STAT1: variants seen among roughly 807,000 people sequenced by gnomAD.
The protein encoded by STAT1 is signal transducer and activator of transcription 1, also known as signal transducer and activator of transcription 1-alpha/beta.
STAT1 carries 24 observed loss-of-function variants against 111.7 expected under a neutral mutation model. The ratio of observed to expected loss-of-function variants is 0.21; its 90% confidence interval spans 0.16 to 0.30. STAT1 has a LOEUF of 0.30. STAT1 is among the 10% of genes least tolerant of loss of function. The pLI is 1.00. For missense variants in STAT1, 351 were observed against 911.9 expected (o/e 0.38, Z 7.92); for synonymous variants, 332 against 326.5 (o/e 1.02, Z -0.18).
Position 190,983,631 on chromosome 2 carries a change from G to A in STAT1, c.1446+11C>T. On this transcript the variant is annotated intron_variant, in intron 17 of 24. Coordinates refer to ENST00000361099, the MANE Select transcript of STAT1 (RefSeq NM_007315.4). The surrounding 1 kb of genome is among the most constrained non-coding windows in gnomAD (Gnocchi z 5.7). ...TTAACCCTGGGACCAAAGCAAATGT[G>A]TTTTCCATACCCTGGGTTCCGCCAC... 2 of 1,613,318 alleles carry A rather than the reference G, an allele frequency of 1.2e-6. No individual in the cohort carries two copies. Among genetic ancestry groups the A allele is most frequent in the Non-Finnish European group, 8.5e-7 (1 of 1,179,304 alleles).
Position 190,975,571 on chromosome 2 carries a change from A to G in STAT1, c.2135+241T>C, listed in dbSNP as rs1691841178. ...TGCTCATTTTATTTATACTTTTTCA[A>G]AGGGTATCAGTTTTGGGAAAATTTA... On this transcript the variant is annotated intron_variant, in intron 23 of 24. Transcript: ENST00000361099. This position sits in a 1 kb window ranked among gnomAD's most constrained non-coding sequence, Gnocchi z 5.9. 17 of 1,398,688 alleles carry G rather than the reference A, an allele frequency of 1.2e-5. No homozygotes were observed. The highest frequency in any genetic ancestry group is 1.6e-5 in the Non-Finnish European group (17 of 1,068,138). 86.6% of individuals were successfully genotyped at this position (1,398,688 alleles called of 1,614,324 possible).
intron 4 of STAT1, 44 bp downstream of exon 4, chr2:191,008,919 A>G: frequency 6.2e-7 from 1 of 1,606,172 alleles, no homozygotes; most frequent in East Asian, 2.2e-5. Context: ...TGCCTTCCAT[A>G]AACATGAGAA....
chr2:190,974,278 T>C lies in STAT1; in HGVS notation c.2238+552A>G, dbSNP rs1691727157. On this transcript the variant is annotated intron_variant, in intron 24 of 24. Transcript: ENST00000361099. The surrounding 1 kb of genome is among the most constrained non-coding windows in gnomAD (Gnocchi z 4.8). ...ATTCCCATTTCTATCACGAATCTCA[T>C]TAACTATTTCACTCCTTGAACCTTT... is the stretch of plus-strand genomic sequence containing the variant. Among the ~76,000 whole-genome samples, 1 of 152,204 alleles carries C rather than the reference T, an allele frequency of 6.6e-6. No individual in the cohort carries two copies. Among genetic ancestry groups the C allele is most frequent in the Admixed American group, 6.5e-5 (1 of 15,286 alleles).
rs200288904 is a variant in STAT1, at chr2:190,987,072, C to CA, written c.1098-5dup. On this transcript the variant is annotated splice_polypyrimidine_tract_variant and splice_region_variant and intron_variant, in intron 12 of 24. Transcript: ENST00000361099. The surrounding 1 kb of genome is among the most constrained non-coding windows in gnomAD (Gnocchi z 4.0). ...TGTATTTCTCTCATTCACATCTCTG[C>CA]AAAAAAAATATATATAATCACATAT... 538 of 1,596,784 alleles carry CA rather than the reference C, an allele frequency of 3.4e-4. 1 individual carries two copies. In the African/African-American group the frequency reaches 4.3e-3, roughly 13 times the overall value.
In STAT1 at chr2:190,997,364, C is replaced by T. The variant is rs184467281; in HGVS notation, c.785+492G>A. Among the ~76,000 whole-genome samples, 2 of 152,344 alleles carry T rather than the reference C, an allele frequency of 1.3e-5. No homozygotes were observed. Among genetic ancestry groups the T allele is most frequent in the Non-Finnish European group, 2.9e-5 (2 of 68,024 alleles). ...GAATTATTACCATGTCTACATCCCC[C>T]CCTCCACACTGAGAACTCCTTGTTG... On this transcript the variant is annotated intron_variant, in intron 9 of 24. Transcript: ENST00000361099. The surrounding 1 kb of genome is among the most constrained non-coding windows in gnomAD (Gnocchi z 7.3).
At position 191,006,562 on chromosome 2, in the gene STAT1, G is replaced by T. The variant is rs536483266; in HGVS notation, c.372+1001C>A. Among the ~76,000 whole-genome samples the T allele has an allele frequency of 6.6e-6, 1 of 152,124 alleles. No homozygotes were observed. Among genetic ancestry groups the T allele is most frequent in the African/African-American group, 2.4e-5 (1 of 41,410 alleles). Reference sequence around the variant, plus strand: ...TCTCCACTGTCACACAGTTCACTTCGGTAGTTATTTGTTGGTGAAATGCAC... The same window carrying T: ...TCTCCACTGTCACACAGTTCACTTCTGTAGTTATTTGTTGGTGAAATGCAC... On this transcript the variant is annotated intron_variant, in intron 5 of 24. Transcript: ENST00000361099. This position sits in a 1 kb window ranked among gnomAD's most constrained non-coding sequence, Gnocchi z 4.6.
chr2:191,005,118 T>C (rs370753413), intron 5 of STAT1, among the ~76,000 whole-genome samples: 2 of 152,202 alleles, frequency 1.3e-5, no homozygotes, highest in South Asian at 2.1e-4. Flanking sequence ...AATTTTGTGG[T>C]CTCTAAATGA....
At position 190,975,544 on chromosome 2, in the gene STAT1, T is replaced by G. The variant is rs983566520; in HGVS notation, c.2135+268A>C. 1.6e-5 allele frequency: 21 copies of G among 1,331,816 alleles called. No individual in the cohort carries two copies. Among genetic ancestry groups the G allele is most frequent in the Admixed American group, 5.9e-5 (2 of 34,056 alleles). The allele number at this position is 1,331,816 out of a possible 1,614,324, so 82.5% of individuals were successfully genotyped here. On this transcript the variant is annotated intron_variant, in intron 23 of 24. Transcript: ENST00000361099. This position sits in a 1 kb window ranked among gnomAD's most constrained non-coding sequence, Gnocchi z 5.9. ...AACTACTTTCCCACTCTGATCAACT[T>G]TTGCTCATTTTATTTATACTTTTTC...
In STAT1 at chr2:191,012,416, T is replaced by TAA. The variant is rs112292924; in HGVS notation, c.-2+1107_-2+1108dup. 2.1e-3 allele frequency among the ~76,000 whole-genome samples: 297 copies of TAA among 144,030 alleles called. No individual in the cohort carries two copies. Among genetic ancestry groups the TAA allele is most frequent in the African/African-American group, 6.2e-3 (246 of 39,426 alleles). 94.5% of individuals were successfully genotyped at this position (144,030 alleles called of 152,430 possible). A position where few individuals can be genotyped will look rare whatever the true frequency, so the allele number is the denominator to read the frequency against. On this transcript the variant is annotated intron_variant, in intron 2 of 24. Coordinates refer to ENST00000361099, the MANE Select transcript of STAT1 (RefSeq NM_007315.4). This position sits in a 1 kb window ranked among gnomAD's most constrained non-coding sequence, Gnocchi z 4.0. ...GGGAGACAGAGAGAGACTCTGTCTC[T>TAA]AAAAAAAAAAAACAATGAATAAATA...
rs1692547656 is a variant in STAT1 at position 190,983,522 on chromosome 2, C to A, written c.1446+120G>T. The A allele has an allele frequency of 3.4e-6, 3 of 873,090 alleles. No individual in the cohort carries two copies. Among genetic ancestry groups the A allele is most frequent in the Non-Finnish European group, 5.9e-6 (3 of 512,150 alleles). 54.1% of individuals were successfully genotyped at this position (873,090 alleles called of 1,614,324 possible). A position where few individuals can be genotyped will look rare whatever the true frequency, so the allele number is the denominator to read the frequency against. On this transcript the variant is annotated intron_variant, in intron 17 of 24. Transcript: ENST00000361099. This position sits in a 1 kb window ranked among gnomAD's most constrained non-coding sequence, Gnocchi z 5.7. ...ATTTACTCAAAAGCCTTAGAAATAC[C>A]ACAGGAGCTTTGTCACTTCTCCCTT...
rs1242851770 is a variant in STAT1, at chr2:190,975,956, C to G, written c.2060-69G>C. ...CCATCAGAATACAACATCAACTTTT[C>G]GGGGGGATTAAAGTTCTACTGTGTT... On this transcript the variant is annotated intron_variant, in intron 22 of 24. Coordinates refer to ENST00000361099, the MANE Select transcript of STAT1 (RefSeq NM_007315.4). This position sits in a 1 kb window ranked among gnomAD's most constrained non-coding sequence, Gnocchi z 5.9. 7.4e-7 allele frequency: 1 copy of G among 1,357,630 alleles called. No individual in the cohort carries two copies. The highest frequency in any genetic ancestry group is 1.2e-5 in the South Asian group (1 of 84,228). The allele number at this position is 1,357,630 out of a possible 1,614,324, so 84.1% of individuals were successfully genotyped here.
rs1347414817 is a variant in STAT1, at chr2:190,976,013, G to A, written c.2060-126C>T. The A allele has an allele frequency of 2.4e-6, 2 of 837,298 alleles. No individual in the cohort carries two copies. The highest frequency in any genetic ancestry group is 2.0e-5 in the Admixed American group (1 of 49,580). The allele number at this position is 837,298 out of a possible 1,614,324, so 51.9% of individuals were successfully genotyped here. On this transcript the variant is annotated intron_variant, in intron 22 of 24. Transcript: ENST00000361099. The surrounding 1 kb of genome is among the most constrained non-coding windows in gnomAD (Gnocchi z 6.0). ...CAGCTTAGCCTCCTAAAACTTTAAGGAGCTATAACCTCCCTGCCTGAGTCA... is the reference window on the plus strand; with the variant it reads ...CAGCTTAGCCTCCTAAAACTTTAAGAAGCTATAACCTCCCTGCCTGAGTCA...
Position 190,979,055 on chromosome 2 carries a change from T to A in STAT1, c.1728-54A>T. 1 of 1,610,520 alleles carries A rather than the reference T, an allele frequency of 6.2e-7. No individual in the cohort carries two copies. Among genetic ancestry groups the A allele is most frequent in the African/African-American group, 1.3e-5 (1 of 74,988 alleles). On this transcript the variant is annotated intron_variant, in intron 20 of 24. Transcript: ENST00000361099. This position sits in a 1 kb window ranked among gnomAD's most constrained non-coding sequence, Gnocchi z 5.8. Reference sequence around the variant, plus strand: ...CTTTTAGTTCAATCATGATTTCCATTTTCATGCTAACTTACAAACCAAGAA... The same window carrying A: ...CTTTTAGTTCAATCATGATTTCCATATTCATGCTAACTTACAAACCAAGAA...
chr2:190,971,858 A>G lies in STAT1; in HGVS notation c.2239-1141T>C, dbSNP rs147966105. ...CCCCCTAGTAGCTGGGATTACAGGC[A>G]CACACCACCATGGCTGGCTAATTTT... On this transcript the variant is annotated intron_variant, in intron 24 of 24. Coordinates refer to ENST00000361099, the MANE Select transcript of STAT1 (RefSeq NM_007315.4). The surrounding 1 kb of genome is among the most constrained non-coding windows in gnomAD (Gnocchi z 4.1). 2.6e-3 allele frequency among the ~76,000 whole-genome samples: 403 copies of G among 152,176 alleles called. 3 individuals carry two copies. The highest frequency in any genetic ancestry group is 9.0e-3 in the African/African-American group (374 of 41,526).
In STAT1 at chr2:190,978,075, CAGG is replaced by C. The variant is rs1356655797; in HGVS notation, c.1873+778_1873+780del. Among the ~76,000 whole-genome samples, 3 of 151,062 alleles carry C rather than the reference CAGG, an allele frequency of 2.0e-5. No individual in the cohort carries two copies. Among genetic ancestry groups the C allele is most frequent in the South Asian group, 2.1e-4 (1 of 4,798 alleles). ...ATAGAATAAGAGTATTCCAGAAAAA[CAGG>C]AGAAGAGGAATATTTCAGAAAAATA... is the stretch of plus-strand genomic sequence containing the variant. On this transcript the variant is annotated intron_variant, in intron 21 of 24. Coordinates refer to ENST00000361099, the MANE Select transcript of STAT1 (RefSeq NM_007315.4). This position sits in a 1 kb window ranked among gnomAD's most constrained non-coding sequence, Gnocchi z 6.1.
At chr2:190,994,843 G>A (rs1693694210) in intron 10 of STAT1, among the ~76,000 whole-genome samples, 1 of 150,210 alleles carries the variant, frequency 6.7e-6, no homozygotes, top group South Asian at 2.1e-4. Context: ...TTGAACTTGG[G>A]AGGTGGAGGT....
At position 190,988,836 on chromosome 2, in the gene STAT1, A is replaced by C. The variant is rs41350748; in HGVS notation, c.1097+779T>G. The stretch of plus-strand genomic sequence containing the variant: ...AAGCCAGAGGAAAATGATCTGAATG[A>C]TCATAAATCATTTTTGAAACTTGCC... On this transcript the variant is annotated intron_variant, in intron 12 of 24. Coordinates refer to ENST00000361099, the MANE Select transcript of STAT1 (RefSeq NM_007315.4). Among the ~76,000 whole-genome samples the C allele has an allele frequency of 3.7e-3, 557 of 151,814 alleles. 6 individuals are homozygous for C. Among genetic ancestry groups the C allele is most frequent in the African/African-American group, 0.013 (530 of 41,366 alleles).
intron 2 of STAT1, 117 bp downstream of exon 2, chr2:191,013,408 A>C: frequency 2.6e-6 from 1 of 382,170 alleles, no homozygotes; most frequent in Non-Finnish European, 4.6e-6. Flanking sequence ...TGCAAAAACT[A>C]AACATCACTT....
chr2:190,987,691 T>C lies in STAT1; in HGVS notation c.1098-623A>G, dbSNP rs1692961673. Among the ~76,000 whole-genome samples, 1 of 152,198 alleles carries C rather than the reference T, an allele frequency of 6.6e-6. No homozygotes were observed. The highest frequency in any genetic ancestry group is 2.1e-4 in the South Asian group (1 of 4,826). ...GACCTTGCACTTCTATATCCAGTGA[T>C]TACTTTGTCATGTTCTGGCCAAATA... is the stretch of plus-strand genomic sequence containing the variant. On this transcript the variant is annotated intron_variant, in intron 12 of 24. Coordinates refer to ENST00000361099, the MANE Select transcript of STAT1 (RefSeq NM_007315.4). This position sits in a 1 kb window ranked among gnomAD's most constrained non-coding sequence, Gnocchi z 4.0.
Sources: gnomAD v4.1 joint callset for allele counts (sites outside exome capture counted in the v4.1 genomes callset) on GRCh38, gnomAD v4.1.1 for gene constraint, Gnocchi (gnomAD v3.1) non-coding constraint, MANE v1.5 for transcripts, NCBI Gene and HGNC (gene_info 2026-07-23, HGNC 2026-07-21) for gene names.